TMEM132D: variants seen among roughly 807,000 people sequenced by gnomAD.
TMEM132D encodes the protein transmembrane protein 132D, also known as mature OL transmembrane protein.
A neutral mutation model predicts 62.3 loss-of-function variants in TMEM132D; 21 were observed. That is an observed-to-expected ratio of 0.34 (90% confidence interval 0.24 to 0.49). The LOEUF (loss-of-function observed/expected upper bound fraction) is 0.49. Ranked by LOEUF, TMEM132D falls within the 20% of genes least tolerant of loss-of-function variation. The pLI, the probability that TMEM132D is intolerant of heterozygous loss-of-function variation, is 0.99. For synonymous variants in TMEM132D, 621 were observed against 575.6 expected (o/e 1.08, Z -1.13); for missense variants, 1,346 against 1,402.8 (o/e 0.96, Z 0.65).
At chr12:129,778,114 C>CA (rs35384142) in intron 1 of TMEM132D, among the ~76,000 whole-genome samples, 49,543 of 85,394 alleles carry the variant, frequency 0.58, 15,377 homozygotes, top group Middle Eastern at 0.7. Flanking sequence ...GACCCTGTCT[C>CA]AAAAAAAAAA....
intron 3 of TMEM132D, among the ~76,000 whole-genome samples, chr12:129,374,832 G>T (rs904776620): frequency 6.6e-6 from 1 of 152,216 alleles, no homozygotes; most frequent in Non-Finnish European, 1.5e-5. Flanking sequence ...TGGTATGGTG[G>T]CAGTGACTTC....
At chr12:129,401,678 G>A (rs1013344600) in intron 3 of TMEM132D, among the ~76,000 whole-genome samples, 3 of 152,154 alleles carry the variant, frequency 2.0e-5, no homozygotes, top group African/African-American at 7.2e-5. Context: ...TGCAAATAAG[G>A]AAGTGAAAGC....
At chr12:129,633,588 C>T (rs967328777) in intron 2 of TMEM132D, among the ~76,000 whole-genome samples, 3 of 152,134 alleles carry the variant, frequency 2.0e-5, no homozygotes, top group Admixed American at 6.5e-5. Flanking sequence ...GAGCCTTCCT[C>T]CACTGGATTC....
chr12:129,414,850 C>G (rs1251724434), intron 3 of TMEM132D, among the ~76,000 whole-genome samples: 1 of 152,172 alleles, frequency 6.6e-6, no homozygotes, highest in Non-Finnish European at 1.5e-5. Flanking sequence ...CACCACCATT[C>G]TACTATTCTA....
intron 5 of TMEM132D, among the ~76,000 whole-genome samples, chr12:129,108,864 G>C (rs1010148970): frequency 6.6e-6 from 1 of 152,198 alleles, no homozygotes; most frequent in African/African-American, 2.4e-5. Context: ...GCTTCCGTAA[G>C]TGACATTCTG....
intron 3 of TMEM132D, among the ~76,000 whole-genome samples, chr12:129,470,710 A>C (rs1232551121): frequency 6.6e-6 from 1 of 152,220 alleles, no homozygotes; most frequent in African/African-American, 2.4e-5. Context: ...TTATTTTTAC[A>C]ATTCTATAAA....
At position 129,272,385 on chromosome 12, in the gene TMEM132D, A is replaced by C. The variant is rs551253856; in HGVS notation, c.1300-62722T>G. ...TGACTGTAATACTGGAGAGTCACCT[A>C]CAAGCTTCACTGGATGAAGTCACTG... On this transcript the variant is annotated intron_variant, in intron 4 of 8. Coordinates refer to ENST00000422113, the MANE Select transcript of TMEM132D (RefSeq NM_133448.3). Among the ~76,000 whole-genome samples, 455 of 151,986 alleles carry C rather than the reference A, an allele frequency of 3.0e-3. 1 individual carries two copies. Among genetic ancestry groups the C allele is most frequent in the Non-Finnish European group, 4.3e-3 (292 of 68,028 alleles).
chr12:129,408,066 T>C (rs1871850086), intron 3 of TMEM132D, among the ~76,000 whole-genome samples: 1 of 152,114 alleles, frequency 6.6e-6, no homozygotes, highest in African/African-American at 2.4e-5. Context: ...TCCGTCTGCC[T>C]GTATTAGAAT....
chr12:129,134,122 GTGTGTGTGTGTC>G (rs762205056), intron 5 of TMEM132D, among the ~76,000 whole-genome samples: 113 of 142,842 alleles, frequency 7.9e-4, no homozygotes, highest in South Asian at 1.3e-3. Flanking sequence ...TGTGTTGTGT[GTGTGTGTGTGTC>G]TGTGTGTGTG....
chr12:129,566,961 C>G lies in TMEM132D; in HGVS notation c.969-35756G>C, dbSNP rs543747570. Among the ~76,000 whole-genome samples, 54 of 152,116 alleles carry G rather than the reference C, an allele frequency of 3.5e-4. 2 individuals carry two copies. ...TGGAAACTCCTGCTTCAAGTTGTTC[C>G]GCCTTTCCAGACCTAACCAATGTAC... On this transcript the variant is annotated intron_variant, in intron 2 of 8. Coordinates refer to ENST00000422113, the MANE Select transcript of TMEM132D (RefSeq NM_133448.3).
chr12:129,501,504 T>A (rs533123219), intron 3 of TMEM132D, among the ~76,000 whole-genome samples: 69 of 152,274 alleles, frequency 4.5e-4, no homozygotes, highest in African/African-American at 1.3e-3. Context: ...CAGATTTTTT[T>A]AATTTTTTTT....
chr12:129,556,342 C>G (rs561089585), intron 2 of TMEM132D, among the ~76,000 whole-genome samples: 3 of 152,274 alleles, frequency 2.0e-5, no homozygotes, highest in South Asian at 4.1e-4. Flanking sequence ...ACACCTGGAT[C>G]GGCACCGAGC....
intron 3 of TMEM132D, among the ~76,000 whole-genome samples, chr12:129,347,304 A>G (rs1488809992): frequency 1.3e-5 from 2 of 152,226 alleles, no homozygotes; most frequent in Non-Finnish European, 2.9e-5. Flanking sequence ...CCTGACTTCA[A>G]ACAATATCAC....
chr12:129,783,439 C>A (rs1871174817), intron 1 of TMEM132D, among the ~76,000 whole-genome samples: 1 of 152,166 alleles, frequency 6.6e-6, no homozygotes, highest in South Asian at 2.1e-4. Context: ...CATACACATC[C>A]TCCTACAGTA....
intron 1 of TMEM132D, among the ~76,000 whole-genome samples, chr12:129,735,878 C>T (rs910696790): frequency 1.3e-5 from 2 of 152,182 alleles, no homozygotes; most frequent in African/African-American, 2.4e-5. Context: ...CTATAAAGAT[C>T]ATCTTCCTGA....
intron 3 of TMEM132D, among the ~76,000 whole-genome samples, chr12:129,524,965 C>T (rs1192527286): frequency 1.9e-5 from 2 of 103,854 alleles, no homozygotes; most frequent in African/African-American, 3.9e-5. Context: ...CTCGCTCTGT[C>T]GCCAGGCTGG....
chr12:129,340,317 T>C (rs1278371380), intron 3 of TMEM132D, among the ~76,000 whole-genome samples: 1 of 152,214 alleles, frequency 6.6e-6, no homozygotes, highest in East Asian at 1.9e-4. Flanking sequence ...TTTTCTTTTT[T>C]TTTATTATAC....
At chr12:129,336,925 C>G (rs1378947178) in intron 4 of TMEM132D, among the ~76,000 whole-genome samples, 1 of 152,206 alleles carries the variant, frequency 6.6e-6, no homozygotes, top group African/African-American at 2.4e-5. Flanking sequence ...TTCCCAGTGA[C>G]AGAACCACTG....
intron 2 of TMEM132D, among the ~76,000 whole-genome samples, chr12:129,545,490 C>A (rs1431953304): frequency 6.6e-6 from 1 of 151,902 alleles, no homozygotes; most frequent in East Asian, 1.9e-4. Flanking sequence ...GAGATCTATG[C>A]CTTAGACACA....
Sources: gnomAD v4.1 joint callset for allele counts (sites outside exome capture counted in the v4.1 genomes callset) on GRCh38, gnomAD v4.1.1 for gene constraint, MANE v1.5 for transcripts, NCBI Gene and HGNC (gene_info 2026-07-23, HGNC 2026-07-21) for gene names.